Variants in SLC14A2 observed in about 807,000 individuals in gnomAD.
SLC14A2 encodes the protein solute carrier family 14 member 2, also known as urea transporter 2.
A neutral mutation model predicts 104.6 loss-of-function variants in SLC14A2; 91 were observed. The ratio of observed to expected loss-of-function variants is 0.87; its 90% CI spans 0.73 to 1.04. The LOEUF (loss-of-function observed/expected upper bound fraction) is 1.04. Ranked by LOEUF, SLC14A2 falls within the 50% of genes least tolerant of loss-of-function variation. SLC14A2 has a pLI of 0.00. For synonymous variants in SLC14A2, 476 were observed against 466.4 expected (o/e 1.02, Z -0.27); for missense variants, 1,189 against 1,156.0 (o/e 1.03, Z -0.41).
chr18:45,632,980 A>G (rs903543605), intron 5 of SLC14A2, among the ~76,000 whole-genome samples: 5 of 152,236 alleles, frequency 3.3e-5, no homozygotes, highest in Non-Finnish European at 5.9e-5. Flanking sequence ...CCCAGCCAGG[A>G]GGATTCTTTA....
intron 2 of SLC14A2, among the ~76,000 whole-genome samples, chr18:45,489,692 C>A (rs2087683087): frequency 6.6e-6 from 1 of 152,120 alleles, no homozygotes; most frequent in Admixed American, 6.6e-5. Context: ...CATAATAATT[C>A]TACCCTGAAC....
chr18:45,460,698 T>A (rs1218618054), intron 1 of SLC14A2, among the ~76,000 whole-genome samples: 4 of 152,154 alleles, frequency 2.6e-5, no homozygotes, highest in Non-Finnish European at 5.9e-5. Flanking sequence ...ACAATCCCTC[T>A]CTCCTTGGCA....
At chr18:45,505,384 C>T (rs1034673898) in intron 2 of SLC14A2, among the ~76,000 whole-genome samples, 1 of 152,026 alleles carries the variant, frequency 6.6e-6, no homozygotes, top group African/African-American at 2.4e-5. Flanking sequence ...TTCATAACGA[C>T]GTTGAAGAAT....
chr18:45,512,925 T>C (rs893584116), intron 2 of SLC14A2, among the ~76,000 whole-genome samples: 1 of 152,194 alleles, frequency 6.6e-6, no homozygotes, highest in African/African-American at 2.4e-5. Flanking sequence ...AACTTGCAGG[T>C]AAATCCAAGG....
chr18:45,263,545 T>A (rs557298545), intron 1 of SLC14A2, among the ~76,000 whole-genome samples: 3 of 152,232 alleles, frequency 2.0e-5, no homozygotes, highest in Non-Finnish European at 4.4e-5. Context: ...CATTGGTGGA[T>A]CTTGCCTGTA....
chr18:45,200,651 T>G, the SLC14A2 span, among the ~76,000 whole-genome samples: 1 of 152,170 alleles, frequency 6.6e-6, no homozygotes, highest in Non-Finnish European at 1.5e-5. Context: ...TCACAGAGAC[T>G]AAGGAACAAA....
chr18:45,223,864 G>A (rs17740923), intron 1 of SLC14A2, among the ~76,000 whole-genome samples: 12,729 of 152,248 alleles, frequency 0.084, 717 homozygotes, highest in Non-Finnish European at 0.13. Flanking sequence ...CAACTCCAGG[G>A]AAACAGGCCC....
At chr18:45,538,507 T>A (rs1283091333) in intron 2 of SLC14A2, among the ~76,000 whole-genome samples, 1 of 152,186 alleles carries the variant, frequency 6.6e-6, no homozygotes, top group Non-Finnish European at 1.5e-5. Context: ...CAGGCCTCAG[T>A]TCCTGACTGG....
At chr18:45,182,277 CA>C in the SLC14A2 span, among the ~76,000 whole-genome samples, 8 of 151,226 alleles carry the variant, frequency 5.3e-5, no homozygotes, top group Non-Finnish European at 1.2e-4. Flanking sequence ...AAAATTGAAT[CA>C]GGAAAAAAAG....
At chr18:45,209,426 A>T (rs1362784935), upstream of SLC14A2, among the ~76,000 whole-genome samples, 2 of 152,138 alleles carry the variant, frequency 1.3e-5, no homozygotes, top group Non-Finnish European at 2.9e-5. Context: ...GGTTTTAAAA[A>T]TTTACAGCAG....
intron 2 of SLC14A2, among the ~76,000 whole-genome samples, chr18:45,544,448 T>A (rs2543020): frequency 5.9e-5 from 9 of 152,032 alleles, no homozygotes; most frequent in Non-Finnish European, 1.0e-4. Flanking sequence ...AATTGCATTC[T>A]TGTTTGTTCC....
chr18:45,322,802 C>T (rs1199318306), intron 1 of SLC14A2, among the ~76,000 whole-genome samples: 1 of 152,112 alleles, frequency 6.6e-6, no homozygotes, highest in Admixed American at 6.6e-5. Flanking sequence ...TATGTGACTC[C>T]CAGCCCAGCA....
At chr18:45,308,592 G>A (rs541365811) in intron 1 of SLC14A2, among the ~76,000 whole-genome samples, 38 of 152,230 alleles carry the variant, frequency 2.5e-4, no homozygotes, top group African/African-American at 3.4e-4. Context: ...CAATTTGCCC[G>A]GAGGGAGGAT....
At chr18:45,190,800 C>T in the SLC14A2 span, among the ~76,000 whole-genome samples, 351 of 152,130 alleles carry the variant, frequency 2.3e-3, 1 homozygote, top group African/African-American at 7.2e-3. Flanking sequence ...AATTATTATC[C>T]GCATATTACA....
chr18:45,572,630 A>ACTC (rs943642727), intron 2 of SLC14A2, among the ~76,000 whole-genome samples: 1 of 152,092 alleles, frequency 6.6e-6, no homozygotes, highest in African/African-American at 2.4e-5. Flanking sequence ...TCAATCCAGA[A>ACTC]CTCATCTTTG....
chr18:45,382,573 A>T (rs2085850996), intron 1 of SLC14A2, among the ~76,000 whole-genome samples: 1 of 152,172 alleles, frequency 6.6e-6, no homozygotes, highest in Non-Finnish European at 1.5e-5. Context: ...AGAATAAGGG[A>T]TTTCCTATCC....
At chr18:45,580,951 G>A in intron 2 of SLC14A2, among the ~76,000 whole-genome samples, 1 of 151,386 alleles carries the variant, frequency 6.6e-6, no homozygotes, top group Non-Finnish European at 1.5e-5. Flanking sequence ...AAACCAGGCT[G>A]AGCAGGAGGC....
intron 1 of SLC14A2, among the ~76,000 whole-genome samples, chr18:45,278,929 C>A (rs1342814979): frequency 2.6e-5 from 4 of 152,192 alleles, no homozygotes; most frequent in African/African-American, 7.2e-5. Context: ...TGATGTAAAA[C>A]ACTTTGTATA....
chr18:45,255,112 T>A (rs1376316744), intron 1 of SLC14A2, among the ~76,000 whole-genome samples: 2 of 152,124 alleles, frequency 1.3e-5, no homozygotes, highest in Non-Finnish European at 2.9e-5. Flanking sequence ...TTTCCTTCTC[T>A]CTCTTCTTTT....
Sources: gnomAD v4.1 joint callset for allele counts (sites outside exome capture counted in the v4.1 genomes callset) on GRCh38, gnomAD v4.1.1 for gene constraint, MANE v1.5 for transcripts, NCBI Gene and HGNC (gene_info 2026-07-23, HGNC 2026-07-21) for gene names.